The following MROH9 variants were observed in gnomAD, a reference collection of about 807,000 sequenced individuals.
MROH9 encodes the protein maestro heat-like repeat-containing protein family member 9.
A neutral mutation model predicts 98.2 loss-of-function variants in MROH9; 92 were observed. That is an observed-to-expected ratio of 0.94 (90% CI 0.79 to 1.11). The LOEUF (loss-of-function observed/expected upper bound fraction) is 1.11. Among genes scored for constraint, MROH9 ranks in the 50% most tolerant of loss-of-function variants. MROH9 has a pLI of 0.00. For missense variants in MROH9, 1,057 were observed against 1,014.8 expected, an observed-to-expected ratio of 1.04 and a Z score of -0.57; for synonymous variants, 397 against 368.9, an observed-to-expected ratio of 1.08 and a Z score of -0.87.
At chr1:171,033,297 T>G (rs1459849737) in intron 20 of MROH9, among the ~76,000 whole-genome samples, 1 of 152,244 alleles carries the variant, frequency 6.6e-6, no homozygotes, top group African/African-American at 2.4e-5. Flanking sequence ...CTGGTCGCCC[T>G]TCACCCCAGG....
chr1:170,971,866 T>C lies in MROH9; in HGVS notation c.599T>C (p.Ile200Thr), dbSNP rs956652651. 1 of 1,614,008 alleles carries C rather than the reference T, an allele frequency of 6.2e-7. No individual in the cohort carries two copies. The highest frequency in any genetic ancestry group is 1.1e-5 in the South Asian group (1 of 91,070). Reference protein sequence around the residue: ...ASLGMCHLLYIARCQNDIGTN... With the variant: ...ASLGMCHLLYTARCQNDIGTN... ...TTGGGAATGTGTCACCTCCTCTACA[T>C]TGCACGGTGTCAGAACGGTAAGAAC... Residue 200 changes from isoleucine to threonine, a missense_variant, in exon 8 of 22, where the codon ATT becomes ACT. By Grantham distance (89) the Ile-to-Thr change is moderately conservative (BLOSUM62 -1). Transcript: ENST00000367759.
At chr1:170,995,071 C>G (rs1478750928) in intron 12 of MROH9, among the ~76,000 whole-genome samples, 6 of 152,010 alleles carry the variant, frequency 3.9e-5, no homozygotes, top group Non-Finnish European at 8.8e-5. Flanking sequence ...AGTATGACTG[C>G]TCTTCATGGC....
At position 170,938,047 on chromosome 1, in the gene MROH9, A is replaced by G. The variant is rs78585801; in HGVS notation, c.-38+2460A>G. 9.3e-3 allele frequency among the ~76,000 whole-genome samples: 1,414 copies of G among 152,274 alleles called. 24 individuals are homozygous for G. Among genetic ancestry groups the G allele is most frequent in the African/African-American group, 0.032 (1,347 of 41,538 alleles). ...CACTAAGGGATCTTTTGTATTGCAG[A>G]CATACTCTTCCTTGCCTCCATTATG... On this transcript the variant is annotated intron_variant, in intron 1 of 21. Transcript: ENST00000367759.
At chr1:171,057,794 A>G (rs1255437130) in intron 20 of MROH9, among the ~76,000 whole-genome samples, 1 of 152,206 alleles carries the variant, frequency 6.6e-6, no homozygotes, top group East Asian at 1.9e-4. Context: ...GCAAACCAGA[A>G]CAGATTGGGG....
chr1:170,957,256 T>G (rs2101886947), intron 3 of MROH9, among the ~76,000 whole-genome samples: 1 of 152,214 alleles, frequency 6.6e-6, no homozygotes, highest in Middle Eastern at 3.4e-3. Flanking sequence ...GAAACTAATG[T>G]AAATAAGCTC....
rs769987468 is a variant in MROH9, at chr1:170,992,192, T to A, written c.1057T>A (p.Cys353Ser). 2.5e-6 allele frequency: 4 copies of A among 1,612,070 alleles called. No homozygotes were observed. In the African/African-American group the frequency reaches 5.3e-5, roughly 22 times the overall value. ...DTLIQMWKAA[C>S]SQASVAPHVL... The stretch of plus-strand genomic sequence containing the variant: ...TCTGATACAGATGTGGAAGGCGGCA[T>A]GTTCTCAGGCGAGCGTGGCCCCTCA... The change falls in exon 12 of 22, where the codon TGT (cysteine) becomes AGT (serine). Residue 353 changes from cysteine to serine, a missense_variant. Cys to Ser is a moderately radical substitution (Grantham distance 112, BLOSUM62 -1). Coordinates refer to ENST00000367759, the MANE Select transcript of MROH9 (RefSeq NM_001163629.2).
chr1:170,958,387 C>T, intron 3 of MROH9, 74 bp from the exon 4 acceptor site: 1 of 812,036 alleles, frequency 1.2e-6, no homozygotes, highest in Non-Finnish European at 2.0e-6. Context: ...AAGAAGTGCA[C>T]ATGCTATTAT....
At chr1:170,988,496 GAGAA>G (rs1296243670) in intron 10 of MROH9, among the ~76,000 whole-genome samples, 1 of 152,092 alleles carries the variant, frequency 6.6e-6, no homozygotes, top group African/African-American at 2.4e-5. Context: ...AAGTCCCTGA[GAGAA>G]AGAGAGACCA....
chr1:171,053,149 A>G (rs1653723134), intron 20 of MROH9, among the ~76,000 whole-genome samples: 1 of 152,148 alleles, frequency 6.6e-6, no homozygotes, highest in Non-Finnish European at 1.5e-5. Flanking sequence ...TTCAGTGCCT[A>G]TCTCTGGAAT....
rs1460136642 is a variant in MROH9, at chr1:170,996,582, G to C, written c.1413G>C (p.Glu471Asp). ...LQQVDITLMKENFWDQLSEDL... is the reference protein window; with the variant it reads ...LQQVDITLMKDNFWDQLSEDL... ...AGGTGGATATTACTCTAATGAAGGA[G>C]AATTTCTGGGACCAGTTATCTGAAG... The change falls in exon 14 of 22, where the codon GAG becomes GAC. Residue 471 changes from glutamate to aspartate, a missense_variant. Coordinates refer to ENST00000367759, the MANE Select transcript of MROH9 (RefSeq NM_001163629.2). 1 of 1,613,574 alleles carries C rather than the reference G, an allele frequency of 6.2e-7. No individual in the cohort carries two copies. Among genetic ancestry groups the C allele is most frequent in the Non-Finnish European group, 8.5e-7 (1 of 1,179,684 alleles).
chr1:170,968,300 C>A (rs1571459369), intron 7 of MROH9, among the ~76,000 whole-genome samples: 1 of 152,300 alleles, frequency 6.6e-6, no homozygotes, highest in African/African-American at 2.4e-5. Flanking sequence ...CCTCTTGACA[C>A]ACATTGGCAG....
In MROH9 at chr1:171,024,704, G is replaced by A. The variant is rs191663059; in HGVS notation, c.2117G>A (p.Arg706His). ...CTSQLKWSTS[R>H]LLKDENYSFE... ...TCACAATTAAAGTGGTCAACATCAC[G>A]TTTGCTCAAAGATGAAAATTACAGT... The change falls in exon 19 of 22, where the codon CGT (arginine) becomes CAT (histidine). Residue 706 changes from arginine (R) to histidine (H), a missense_variant. Arg to His is a conservative substitution (Grantham distance 29, BLOSUM62 0). Transcript: ENST00000367759. 8.1e-5 allele frequency: 125 copies of A among 1,551,158 alleles called. No individual in the cohort carries two copies. The East Asian group carries it at 1.1e-3, about 14-fold the overall frequency.
chr1:170,940,228 A>C (rs1385467557), intron 1 of MROH9, among the ~76,000 whole-genome samples: 1 of 152,172 alleles, frequency 6.6e-6, no homozygotes, highest in Non-Finnish European at 1.5e-5. Flanking sequence ...GCTCCACACT[A>C]CTGGACCCCT....
intron 20 of MROH9, among the ~76,000 whole-genome samples, chr1:171,057,799 T>C (rs1019625405): frequency 6.6e-6 from 1 of 152,112 alleles, no homozygotes; most frequent in Non-Finnish European, 1.5e-5. Flanking sequence ...CCAGAACAGA[T>C]TGGGGGCCAA....
intron 8 of MROH9, among the ~76,000 whole-genome samples, chr1:170,975,933 T>C (rs1239882474): frequency 1.3e-5 from 2 of 152,182 alleles, no homozygotes; most frequent in Non-Finnish European, 2.9e-5. Context: ...TTGATCTTTG[T>C]CGGCTTAAAG....
At chr1:170,939,434 A>G (rs1190428519) in intron 1 of MROH9, among the ~76,000 whole-genome samples, 2 of 152,224 alleles carry the variant, frequency 1.3e-5, no homozygotes. Context: ...GGATACAGTC[A>G]TCCACTTTCA....
intron 20 of MROH9, among the ~76,000 whole-genome samples, chr1:171,060,790 T>C (rs1458185401): frequency 2.0e-5 from 3 of 152,266 alleles, no homozygotes; most frequent in South Asian, 4.1e-4. Flanking sequence ...GAAGTAAATA[T>C]AGGAGAATAT....
chr1:170,946,478 G>GA (rs1649336147), intron 2 of MROH9, among the ~76,000 whole-genome samples: 1 of 152,006 alleles, frequency 6.6e-6, no homozygotes, highest in South Asian at 2.1e-4. Flanking sequence ...GATATTAGTG[G>GA]AAAAATAGGT....
chr1:171,050,632 A>C (rs6423174), intron 20 of MROH9, among the ~76,000 whole-genome samples: 128,391 of 151,746 alleles, frequency 0.85, 54,983 homozygotes, highest in Middle Eastern at 0.98. Flanking sequence ...ATTTGACATA[A>C]TCTTTTCCAG....
Sources: gnomAD v4.1 joint callset for allele counts (sites outside exome capture counted in the v4.1 genomes callset) on GRCh38, gnomAD v4.1.1 for gene constraint, MANE v1.5 for transcripts, NCBI Gene and HGNC (gene_info 2026-07-23, HGNC 2026-07-21) for gene names.